Variants in TAFA5 observed in about 807,000 individuals in gnomAD.
The protein encoded by TAFA5 is chemokine-like protein TAFA-5.
Under a neutral mutation model 15.3 loss-of-function variants are expected in TAFA5, and 6 were observed. The ratio of observed to expected loss-of-function variants is 0.39; its 90% CI spans 0.21 to 0.77. The LOEUF (loss-of-function observed/expected upper bound fraction) is 0.77, where lower values mean the gene tolerates loss of function less well. Among genes scored for constraint, TAFA5 ranks in the 30% least tolerant of loss-of-function variants. The probability of loss-of-function intolerance (pLI) is 0.41; values close to 1 mark genes in which losing one functional copy is unlikely to be tolerated. For missense variants in TAFA5, 161 were observed against 193.1 expected, an observed-to-expected ratio of 0.83 and a Z score of 0.98; for synonymous variants, 103 against 80.7, an observed-to-expected ratio of 1.28 and a Z score of -1.48.
intron 1 of TAFA5, among the ~76,000 whole-genome samples, chr22:48,525,806 G>A (rs891984282): frequency 2.0e-5 from 3 of 152,144 alleles, no homozygotes; most frequent in East Asian, 1.9e-4. Context: ...GCTCATTCTC[G>A]CCTTACTCTC....
chr22:48,626,759 C>T (rs1211878714), intron 1 of TAFA5, among the ~76,000 whole-genome samples: 31 of 152,204 alleles, frequency 2.0e-4, no homozygotes, highest in Admixed American at 2.0e-3. Flanking sequence ...AAGCTCATCA[C>T]CCAATTCAAG....
At chr22:48,661,738 A>C (rs1311205246) in intron 2 of TAFA5, among the ~76,000 whole-genome samples, 2 of 152,208 alleles carry the variant, frequency 1.3e-5, no homozygotes, top group East Asian at 3.9e-4. Flanking sequence ...ATGCTCTGGG[A>C]ACCTCCGGGC....
chr22:48,598,832 A>G lies in TAFA5; in HGVS notation c.113-47765A>G, dbSNP rs1299838264. ...AGTGCCACCAGTGGAACCAAGCGCC[A>G]GGTGGTACCTGTATTTCCGACTGAC... On this transcript the variant is annotated intron_variant, in intron 1 of 3. Transcript: ENST00000402357. This position sits in a 1 kb window ranked among gnomAD's most constrained non-coding sequence, Gnocchi z 4.0. Among the ~76,000 whole-genome samples the G allele has an allele frequency of 6.6e-6, 1 of 152,184 alleles. No homozygotes were observed. The highest frequency in any genetic ancestry group is 1.5e-5 in the Non-Finnish European group (1 of 68,036).
At chr22:48,605,225 G>GTGGTGA (rs1925125558) in intron 1 of TAFA5, among the ~76,000 whole-genome samples, 1 of 145,854 alleles carries the variant, frequency 6.9e-6, no homozygotes, top group Non-Finnish European at 1.5e-5. Flanking sequence ...GGTGGTGATG[G>GTGGTGA]TGATGGTAAT....
At chr22:48,499,400 T>A (rs2147094911) in intron 1 of TAFA5, among the ~76,000 whole-genome samples, 1 of 152,298 alleles carries the variant, frequency 6.6e-6, no homozygotes, top group South Asian at 2.1e-4. Flanking sequence ...ACAGCCCGCA[T>A]TTCCTAAGTG....
chr22:48,712,464 T>A (rs1320810819), intron 3 of TAFA5, among the ~76,000 whole-genome samples: 1 of 152,164 alleles, frequency 6.6e-6, no homozygotes, highest in Non-Finnish European at 1.5e-5. Context: ...AGAGTGAAAA[T>A]GTGAGAGAAC....
intron 1 of TAFA5, among the ~76,000 whole-genome samples, chr22:48,579,989 T>C (rs1304328167): frequency 6.6e-6 from 1 of 152,194 alleles, no homozygotes; most frequent in Non-Finnish European, 1.5e-5. Context: ...GGGGAGTGCA[T>C]TCGACGGCTT....
intron 2 of TAFA5, among the ~76,000 whole-genome samples, chr22:48,671,131 C>T (rs141576554): frequency 1.3e-5 from 2 of 152,300 alleles, no homozygotes; most frequent in African/African-American, 4.8e-5. Context: ...TCAGGTTGCA[C>T]AGACATGCAG....
intron 1 of TAFA5, among the ~76,000 whole-genome samples, chr22:48,542,689 TG>T (rs1290296347): frequency 1.4e-5 from 2 of 141,180 alleles, no homozygotes; most frequent in African/African-American, 5.4e-5. Context: ...GTGTGGTGTA[TG>T]TGTGGTGTGT....
chr22:48,547,012 G>A (rs1922698310), intron 1 of TAFA5: 1 of 153,264 alleles, frequency 6.5e-6, no homozygotes, highest in Non-Finnish European at 1.5e-5. Context: ...CCAAAGAGGA[G>A]CTAAGTTTGA....
chr22:48,612,457 G>A (rs1364094990), intron 1 of TAFA5, among the ~76,000 whole-genome samples: 11 of 152,162 alleles, frequency 7.2e-5, no homozygotes, highest in African/African-American at 2.7e-4. Flanking sequence ...CCTATAGCAC[G>A]CCCACCTGTT....
chr22:48,645,168 G>T (rs1040608771), intron 1 of TAFA5, among the ~76,000 whole-genome samples: 4 of 152,326 alleles, frequency 2.6e-5, no homozygotes, highest in East Asian at 3.9e-4. Context: ...GAGCTGGATG[G>T]CAGGGGACCT....
intron 1 of TAFA5, among the ~76,000 whole-genome samples, chr22:48,640,829 TG>T: frequency 7.0e-6 from 1 of 143,066 alleles, no homozygotes; most frequent in Non-Finnish European, 1.5e-5. Flanking sequence ...GTCTGCCCTA[TG>T]GGACAACTTC....
At chr22:48,680,012 G>A (rs1304173581) in intron 2 of TAFA5, among the ~76,000 whole-genome samples, 2 of 152,230 alleles carry the variant, frequency 1.3e-5, no homozygotes, top group African/African-American at 4.8e-5. Context: ...ATCACCCCCA[G>A]GAGTCACAGA....
chr22:48,608,485 G>A (rs1925280212), intron 1 of TAFA5, among the ~76,000 whole-genome samples: 1 of 151,922 alleles, frequency 6.6e-6, no homozygotes, highest in Admixed American at 6.6e-5. Context: ...CCTCCACTTG[G>A]GGCCACGTGG....
chr22:48,729,197 A>G (rs1461184031), intron 3 of TAFA5, among the ~76,000 whole-genome samples: 3 of 148,790 alleles, frequency 2.0e-5, no homozygotes, highest in African/African-American at 7.5e-5. Flanking sequence ...ATTGGAAAAT[A>G]TGGAAAATCA....
intron 1 of TAFA5, among the ~76,000 whole-genome samples, chr22:48,629,424 C>T (rs568572338): frequency 6.6e-5 from 10 of 152,374 alleles, no homozygotes; most frequent in South Asian, 2.1e-4. Context: ...TCCAGGCCCC[C>T]CTCCGGATGC....
At chr22:48,557,063 G>A (rs557856800) in intron 1 of TAFA5, among the ~76,000 whole-genome samples, 1 of 152,212 alleles carries the variant, frequency 6.6e-6, no homozygotes, top group Non-Finnish European at 1.5e-5. Flanking sequence ...CGCAGGGAGC[G>A]GGGAGTGCGC....
At position 48,684,735 on chromosome 22, in the gene TAFA5, C is replaced by A. The variant is rs141961035; in HGVS notation, c.263-22982C>A. 7.4e-3 allele frequency among the ~76,000 whole-genome samples: 1,123 copies of A among 152,264 alleles called. 20 individuals are homozygous for A. The highest frequency in any genetic ancestry group is 0.025 in the African/African-American group (1,029 of 41,552). On this transcript the variant is annotated intron_variant, in intron 2 of 3. Transcript: ENST00000402357. The stretch of plus-strand genomic sequence containing the variant: ...TGAGGCTGTGTCTGGGTAAAATCCC[C>A]CAAGAGCGGCTGAGAACTCCAATTC...
Sources: gnomAD v4.1 joint callset for allele counts (sites outside exome capture counted in the v4.1 genomes callset) on GRCh38, gnomAD v4.1.1 for gene constraint, Gnocchi (gnomAD v3.1) non-coding constraint, MANE v1.5 for transcripts, NCBI Gene and HGNC (gene_info 2026-07-23, HGNC 2026-07-21) for gene names.